The following ADGB variants were observed in gnomAD, a reference collection of about 807,000 sequenced individuals.
ADGB encodes calpain-7-like protein.
A neutral mutation model predicts 210.5 loss-of-function variants in ADGB; 172 were observed. The observed-to-expected ratio is 0.82, with a 90% CI of 0.72 to 0.93. ADGB has a LOEUF of 0.93. Ranked by LOEUF, ADGB falls within the 40% of genes least tolerant of loss-of-function variation. The pLI is 0.00. For missense variants in ADGB, 2,025 were observed against 1,964.8 expected (o/e 1.03, Z -0.58); for synonymous variants, 658 against 662.7 (o/e 0.99, Z 0.11).
chr6:146,670,106 C>T (rs1468543427), intron 7 of ADGB, among the ~76,000 whole-genome samples: 1 of 152,134 alleles, frequency 6.6e-6, no homozygotes, highest in African/African-American at 2.4e-5. Context: ...TATTACCATC[C>T]TAGTTCAACC....
Position 146,788,496 on chromosome 6 carries a change from T to G in ADGB, c.4423T>G (p.Trp1475Gly), listed in dbSNP as rs1777912192. 6.4e-7 allele frequency: 1 copy of G among 1,551,482 alleles called. No individual in the cohort carries two copies. Among genetic ancestry groups the G allele is most frequent in the South Asian group, 1.2e-5 (1 of 84,050 alleles). The part of the protein sequence containing the change: ...TGSGSAVWKK[W>G]QLTKGLRDVA... Reference sequence around the variant, plus strand: ...ATCAGGGAGTGCGGTGTGGAAGAAGTGGCAATTGACCAAAGGCTTGAGGGA... The same window carrying G: ...ATCAGGGAGTGCGGTGTGGAAGAAGGGGCAATTGACCAAAGGCTTGAGGGA... Residue 1475 changes from tryptophan to glycine, a missense_variant, in exon 33 of 36, where the codon TGG (tryptophan) becomes GGG (glycine). By Grantham distance (184) the Trp-to-Gly change is radical. Transcript: ENST00000397944.
intron 1 of ADGB, 33 bp downstream of exon 1, chr6:146,599,147 G>C: frequency 6.5e-7 from 1 of 1,540,386 alleles, no homozygotes. Flanking sequence ...TCCCTCCCCT[G>C]GCCTAGCCCC....
At chr6:146,689,592 A>G (rs1776274811) in intron 10 of ADGB, among the ~76,000 whole-genome samples, 1 of 152,132 alleles carries the variant, frequency 6.6e-6, no homozygotes, top group Non-Finnish European at 1.5e-5. Flanking sequence ...ATTTGTTGCA[A>G]TGGCAGGAAG....
rs542139122 is a variant in ADGB, at chr6:146,674,221, G to A, written c.1087+1754G>A. On this transcript the variant is annotated intron_variant, in intron 8 of 35. Coordinates refer to ENST00000397944, the MANE Select transcript of ADGB (RefSeq NM_024694.4). ...TTGGAGGGGAGTAAGAAGGAAGTGG[G>A]AAGTAAAATAATGTATAAACAACCC... is the stretch of plus-strand genomic sequence containing the variant. Among the ~76,000 whole-genome samples the A allele has an allele frequency of 2.6e-5, 4 of 152,300 alleles. No individual in the cohort carries two copies. The South Asian group carries it at 6.2e-4, about 24-fold the overall frequency.
At chr6:146,631,361 A>C (rs1781062152) in intron 1 of ADGB, among the ~76,000 whole-genome samples, 1 of 152,166 alleles carries the variant, frequency 6.6e-6, no homozygotes, top group African/African-American at 2.4e-5. Flanking sequence ...AGGTGTCCTT[A>C]TAGGACTCAG....
chr6:146,734,012 A>G lies in ADGB; in HGVS notation c.2776A>G (p.Met926Val), dbSNP rs1207886915. ...MWRGTYVRLL[M>V]KARIPDTKEN... ...GAGAGGAACTTACGTTAGATTGCTT[A>G]TGAAAGCCAGAATACCAGGTATGAT... Residue 926 changes from methionine (M) to valine (V), a missense_variant, in exon 22 of 36, where the codon ATG becomes GTG. Physicochemically the swap from Met to Val is conservative, Grantham distance 21 (BLOSUM62 1). Transcript: ENST00000397944. 4 of 1,551,386 alleles carry G rather than the reference A, an allele frequency of 2.6e-6. No homozygotes were observed. The highest frequency in any genetic ancestry group is 3.5e-6 in the Non-Finnish European group (4 of 1,146,910).
chr6:146,772,401 TTAAA>T (rs911584797), intron 29 of ADGB, among the ~76,000 whole-genome samples: 1 of 139,562 alleles, frequency 7.2e-6, no homozygotes, highest in African/African-American at 2.5e-5. Context: ...TTAAATTTAG[TTAAA>T]TATATATATT....
At chr6:146,720,162 T>C (rs1406178003) in intron 16 of ADGB, among the ~76,000 whole-genome samples, 1 of 152,134 alleles carries the variant, frequency 6.6e-6, no homozygotes. Flanking sequence ...CTCACAATTA[T>C]GTTGAAGCAC....
intron 16 of ADGB, among the ~76,000 whole-genome samples, chr6:146,718,003 A>G (rs73573698): frequency 0.074 from 11,294 of 152,128 alleles, 1,390 homozygotes; most frequent in African/African-American, 0.26. Flanking sequence ...TCCCTCTGCC[A>G]GGAGTTTCTG....
chr6:146,713,608 G>A (rs967023155), intron 13 of ADGB, among the ~76,000 whole-genome samples: 2 of 151,770 alleles, frequency 1.3e-5, no homozygotes, highest in Non-Finnish European at 2.9e-5. Context: ...TGTTGTTTTT[G>A]TTCTTTTTAG....
intron 25 of ADGB, among the ~76,000 whole-genome samples, chr6:146,743,870 C>T (rs1007672568): frequency 6.6e-6 from 1 of 152,132 alleles, no homozygotes; most frequent in East Asian, 1.9e-4. Context: ...GCCGTGATCA[C>T]GCCACTGCTT....
At chr6:146,700,027 A>G (rs766307885) in intron 12 of ADGB, among the ~76,000 whole-genome samples, 1 of 152,356 alleles carries the variant, frequency 6.6e-6, no homozygotes, top group Non-Finnish European at 1.5e-5. Context: ...GTTCATTTAC[A>G]TATTCATCTC....
intron 27 of ADGB, among the ~76,000 whole-genome samples, chr6:146,758,678 A>T (rs1389005260): frequency 6.6e-6 from 1 of 152,000 alleles, no homozygotes; most frequent in African/African-American, 2.4e-5. Context: ...CTATTTTACC[A>T]TTAGTATTTC....
chr6:146,652,477 G>T (rs1775716248), intron 3 of ADGB, among the ~76,000 whole-genome samples: 1 of 152,170 alleles, frequency 6.6e-6, no homozygotes, highest in South Asian at 2.1e-4. Flanking sequence ...GTAATTGACA[G>T]TGTTACTTTT....
rs1372119111 is a variant in ADGB, at chr6:146,650,633, A to T, written c.331-3502A>T. Among the ~76,000 whole-genome samples, 5 of 123,216 alleles carry T rather than the reference A, an allele frequency of 4.1e-5. No individual in the cohort carries two copies. The Admixed American group carries it at 4.3e-4, about 11-fold the overall frequency. 80.8% of individuals were successfully genotyped at this position (123,216 alleles called of 152,430 possible). ...AAAAAAAAAAAAAAAAAAAAAAAAA[A>T]ATCAGGGGCCAGGATTTTGGAAATA... On this transcript the variant is annotated intron_variant, in intron 3 of 35. Transcript: ENST00000397944.
At chr6:146,654,703 T>C (rs1055630232) in intron 4 of ADGB, among the ~76,000 whole-genome samples, 2 of 152,132 alleles carry the variant, frequency 1.3e-5, no homozygotes, top group East Asian at 3.9e-4. Context: ...TATACATTGT[T>C]AAATATTCAT....
intron 11 of ADGB, 70 bp from the exon 12 acceptor site, chr6:146,692,755 T>G: frequency 2.5e-6 from 2 of 807,922 alleles, no homozygotes; most frequent in Non-Finnish European, 3.9e-6. Context: ...GTATTAAATG[T>G]TAAATTCTGT....
chr6:146,700,924 T>C lies in ADGB; in HGVS notation c.1578-17T>C. ...AGATCAAAATAACAGAAGTTTGGGG[T>C]TTTGTTTTCCTTTTAGGCATTTTGT... On this transcript the variant is annotated splice_polypyrimidine_tract_variant and intron_variant, in intron 12 of 35. Coordinates refer to ENST00000397944, the MANE Select transcript of ADGB (RefSeq NM_024694.4). The C allele has an allele frequency of 6.5e-7, 1 of 1,539,260 alleles. No individual in the cohort carries two copies. Among genetic ancestry groups the C allele is most frequent in the Non-Finnish European group, 8.7e-7 (1 of 1,142,944 alleles).
At chr6:146,684,171 C>T (rs1776192429) in intron 9 of ADGB, among the ~76,000 whole-genome samples, 1 of 152,078 alleles carries the variant, frequency 6.6e-6, no homozygotes, top group Non-Finnish European at 1.5e-5. Flanking sequence ...TCTCATGCTT[C>T]ATACTTTCCT....
Sources: gnomAD v4.1 joint callset for allele counts (sites outside exome capture counted in the v4.1 genomes callset) on GRCh38, gnomAD v4.1.1 for gene constraint, MANE v1.5 for transcripts, NCBI Gene and HGNC (gene_info 2026-07-23, HGNC 2026-07-21) for gene names.